Variants in IL1RAPL1 observed in about 807,000 individuals in gnomAD.
IL1RAPL1 encodes the protein interleukin 1 receptor accessory protein like 1.
Under a neutral mutation model 48.4 loss-of-function variants are expected in IL1RAPL1, and 3 were observed. That is an observed-to-expected ratio of 0.06 (90% CI 0.03 to 0.16). The LOEUF is 0.16. Among genes scored for constraint, IL1RAPL1 ranks in the 10% least tolerant of loss-of-function variants. The pLI is 1.00. For synonymous variants in IL1RAPL1, 185 were observed against 187.7 expected, an observed-to-expected ratio of 0.99 and a Z score of 0.12; for missense variants, 349 against 530.6, an observed-to-expected ratio of 0.66 and a Z score of 3.36.
chrX:28,673,863 A>T (rs1010671131), intron 1 of IL1RAPL1, among the ~76,000 whole-genome samples: 1 of 111,657 alleles, frequency 9.0e-6, no homozygotes, highest in Non-Finnish European at 1.9e-5. Context: ...GATGTTGTTT[A>T]TTTCACCAGC....
chrX:29,275,886 A>G (rs142915602), intron 2 of IL1RAPL1, among the ~76,000 whole-genome samples: 6,834 of 112,331 alleles, frequency 0.061, 212 homozygotes, highest in Non-Finnish European at 0.089. Flanking sequence ...TTATATGTTC[A>G]TTGCTGAAAA....
chrX:29,711,045 T>G (rs1365276539), intron 6 of IL1RAPL1, among the ~76,000 whole-genome samples: 1 of 30,091 alleles, frequency 3.3e-5, no homozygotes, highest in Admixed American at 4.6e-4. Flanking sequence ...ATGAGCATGG[T>G]GTGTGTGTGT....
chrX:29,103,053 G>A (rs1416836973), intron 2 of IL1RAPL1, among the ~76,000 whole-genome samples: 1 of 111,965 alleles, frequency 8.9e-6, no homozygotes, highest in African/African-American at 3.2e-5. Flanking sequence ...ACTATCCAAA[G>A]CAATCTACAG....
intron 2 of IL1RAPL1, among the ~76,000 whole-genome samples, chrX:29,174,358 G>A (rs967830939): frequency 2.7e-5 from 3 of 112,376 alleles, no homozygotes; most frequent in Non-Finnish European, 5.6e-5. Flanking sequence ...AAATTGTTCT[G>A]GCTTGGCTGA....
At chrX:29,191,689 A>G (rs1930354942) in intron 2 of IL1RAPL1, among the ~76,000 whole-genome samples, 1 of 111,733 alleles carries the variant, frequency 8.9e-6, no homozygotes, top group African/African-American at 3.3e-5. Flanking sequence ...CTTAACTGGC[A>G]TTGTGGTAAT....
chrX:28,703,326 A>T (rs1225483466), intron 1 of IL1RAPL1, among the ~76,000 whole-genome samples: 2 of 111,598 alleles, frequency 1.8e-5, no homozygotes, highest in African/African-American at 6.5e-5. Context: ...CATTTAGTAA[A>T]CTATTCAATA....
At chrX:29,940,367 C>A (rs1460518703) in intron 8 of IL1RAPL1, among the ~76,000 whole-genome samples, 1 of 111,579 alleles carries the variant, frequency 9.0e-6, no homozygotes, top group Non-Finnish European at 1.9e-5. Context: ...ACCAGCAAAA[C>A]CGTGGATCAT....
At chrX:28,618,086 G>A (rs937238246) in intron 1 of IL1RAPL1, among the ~76,000 whole-genome samples, 6 of 111,926 alleles carry the variant, frequency 5.4e-5, no homozygotes, top group Non-Finnish European at 9.4e-5. Flanking sequence ...AATATTGAGA[G>A]AATAGATATC....
At chrX:28,863,487 G>A (rs1233067419) in intron 2 of IL1RAPL1, among the ~76,000 whole-genome samples, 1 of 105,528 alleles carries the variant, frequency 9.5e-6, no homozygotes, top group Non-Finnish European at 1.9e-5. Flanking sequence ...TGCTAGAAAA[G>A]GGTTTGTTAT....
At chrX:29,822,123 ATACT>A (rs1432752945) in intron 6 of IL1RAPL1, among the ~76,000 whole-genome samples, 4 of 111,982 alleles carry the variant, frequency 3.6e-5, no homozygotes, top group Non-Finnish European at 5.6e-5. Context: ...AACAATCTGG[ATACT>A]TAATCTAGTT....
chrX:29,424,507 C>A (rs897159907), intron 5 of IL1RAPL1, among the ~76,000 whole-genome samples: 1 of 111,110 alleles, frequency 9.0e-6, no homozygotes, highest in South Asian at 3.8e-4. Context: ...GAATGTTAAC[C>A]GTCTTTCTTT....
chrX:29,230,504 C>CAAAAAAAAAA (rs60539139), intron 2 of IL1RAPL1, among the ~76,000 whole-genome samples: 692 of 16,593 alleles, frequency 0.042, 199 homozygotes, highest in Non-Finnish European at 0.052. Flanking sequence ...GTCCCTTTAC[C>CAAAAAAAAAA]AAAAAAAAAA....
chrX:29,234,050 G>A (rs1931247911), intron 2 of IL1RAPL1, among the ~76,000 whole-genome samples: 1 of 111,735 alleles, frequency 8.9e-6, no homozygotes, highest in Admixed American at 9.5e-5. Flanking sequence ...CATGAGCTTG[G>A]AAGAGCACCC....
intron 6 of IL1RAPL1, among the ~76,000 whole-genome samples, chrX:29,691,975 G>A (rs924638974): frequency 1.8e-5 from 2 of 112,398 alleles, no homozygotes; most frequent in African/African-American, 3.2e-5. Context: ...GGAATGGAAT[G>A]TCCTCACTGA....
At chrX:29,890,480 C>T (rs114918903) in intron 6 of IL1RAPL1, among the ~76,000 whole-genome samples, 18,301 of 111,188 alleles carry the variant, frequency 0.16, 1,207 homozygotes, top group African/African-American at 0.21. Context: ...GAAGGACTAA[C>T]GAAGAACCTG....
At chrX:29,179,572 T>C (rs1246290348) in intron 2 of IL1RAPL1, among the ~76,000 whole-genome samples, 1 of 111,414 alleles carries the variant, frequency 9.0e-6, no homozygotes, top group East Asian at 2.8e-4. Flanking sequence ...GGGGATGGGA[T>C]ATGATCCTGG....
intron 5 of IL1RAPL1, among the ~76,000 whole-genome samples, chrX:29,584,927 T>C (rs1281016294): frequency 8.9e-6 from 1 of 112,251 alleles, no homozygotes; most frequent in Admixed American, 9.5e-5. Flanking sequence ...TTTTATCCTC[T>C]TAGCTTCCAA....
intron 6 of IL1RAPL1, among the ~76,000 whole-genome samples, chrX:29,712,094 C>CT (rs57292754): frequency 0.34 from 34,021 of 99,393 alleles, 4,766 homozygotes; most frequent in Middle Eastern, 0.48. Context: ...AAATTTTCTT[C>CT]TTTTTTTTTT....
chrX:28,823,519 C>G (rs1167002162), intron 2 of IL1RAPL1, among the ~76,000 whole-genome samples: 2 of 110,923 alleles, frequency 1.8e-5, no homozygotes, highest in East Asian at 5.7e-4. Context: ...ATATTTATTT[C>G]CTATTACTGC....
Sources: allele counts gnomAD v4.1 joint callset (sites outside exome capture counted in the v4.1 genomes callset), GRCh38; gene constraint gnomAD v4.1.1; transcripts MANE v1.5; gene names NCBI Gene and HGNC (gene_info 2026-07-23, HGNC 2026-07-21).